The following TBC1D5 variants were observed in gnomAD, a reference collection of about 807,000 sequenced individuals.
The protein encoded by TBC1D5 is TBC1 domain family member 5.
A neutral mutation model predicts 100.3 loss-of-function variants in TBC1D5; 75 were observed. The observed-to-expected ratio is 0.75, with a 90% CI of 0.62 to 0.91. TBC1D5 has a LOEUF of 0.91. TBC1D5 is among the 40% of genes least tolerant of loss of function. The pLI is 0.00. For missense variants in TBC1D5, 910 were observed against 942.4 expected, an observed-to-expected ratio of 0.97 and a Z score of 0.45; for synonymous variants, 323 against 325.6, an observed-to-expected ratio of 0.99 and a Z score of 0.09.
intron 1 of TBC1D5, among the ~76,000 whole-genome samples, chr3:17,652,332 A>G (rs1373482899): frequency 1.3e-5 from 2 of 152,164 alleles, no homozygotes; most frequent in African/African-American, 4.8e-5. Flanking sequence ...TTATCATATG[A>G]AAATAAATTA....
At chr3:17,259,546 A>T (rs2078066841) in intron 15 of TBC1D5, among the ~76,000 whole-genome samples, 1 of 152,200 alleles carries the variant, frequency 6.6e-6, no homozygotes. Context: ...TGGGCAGATA[A>T]TTCAAGTTAA....
chr3:17,471,802 A>ATGATTTCCAAAAAT (rs1386443647), intron 3 of TBC1D5, among the ~76,000 whole-genome samples: 4 of 152,192 alleles, frequency 2.6e-5, no homozygotes, highest in Non-Finnish European at 4.4e-5. Context: ...CCTGAGGAAA[A>ATGATTTCCAAAAAT]TGATTTCCAA....
intron 2 of TBC1D5, among the ~76,000 whole-genome samples, chr3:17,619,542 G>A (rs544316652): frequency 1.3e-5 from 2 of 152,052 alleles, no homozygotes; most frequent in South Asian, 2.1e-4. Flanking sequence ...AACAATAGAC[G>A]AGAAAAAAAG....
intron 13 of TBC1D5, among the ~76,000 whole-genome samples, chr3:17,311,494 T>C (rs1462261975): frequency 1.3e-5 from 2 of 152,060 alleles, no homozygotes; most frequent in Non-Finnish European, 2.9e-5. Context: ...GTAATTAAGC[T>C]GCTATTCCCA....
At chr3:17,548,621 A>G (rs2096442272) in intron 2 of TBC1D5, among the ~76,000 whole-genome samples, 1 of 152,156 alleles carries the variant, frequency 6.6e-6, no homozygotes, top group African/African-American at 2.4e-5. Context: ...TTGAGGGGAG[A>G]AAATGTACTA....
chr3:17,720,550 T>C (rs539541547), intron 1 of TBC1D5, among the ~76,000 whole-genome samples: 2 of 152,314 alleles, frequency 1.3e-5, no homozygotes, highest in Admixed American at 1.3e-4. Flanking sequence ...CTCACACCTA[T>C]AATCCCAGTA....
chr3:17,409,407 C>T (rs1487865243), intron 4 of TBC1D5, among the ~76,000 whole-genome samples: 1 of 152,006 alleles, frequency 6.6e-6, no homozygotes, highest in Non-Finnish European at 1.5e-5. Flanking sequence ...CTCCTTGGAC[C>T]TCCCTAATTA....
rs576145052 is a variant in TBC1D5, at chr3:17,373,705, A to G, written c.822+766T>C. Among the ~76,000 whole-genome samples the G allele has an allele frequency of 7.9e-5, 12 of 152,284 alleles. No homozygotes were observed. In the East Asian group the frequency reaches 2.1e-3, roughly 27 times the overall value. ...AAAAGAAATACTGGTACATGCCACA[A>G]TATGAACACTGAAAACACTATGCTA... On this transcript the variant is annotated intron_variant, in intron 12 of 21. Coordinates refer to ENST00000253692, the Ensembl canonical transcript of TBC1D5.
At chr3:17,497,151 C>T (rs374497680) in intron 3 of TBC1D5, among the ~76,000 whole-genome samples, 5 of 150,016 alleles carry the variant, frequency 3.3e-5, no homozygotes. Context: ...CCTTGTATAT[C>T]TGCATATCTG....
At chr3:17,455,526 A>ATGTGTG (rs367962419) in intron 3 of TBC1D5, among the ~76,000 whole-genome samples, 9 of 122,910 alleles carry the variant, frequency 7.3e-5, no homozygotes, top group Non-Finnish European at 1.1e-4. Context: ...ATATATATAT[A>ATGTGTG]TATATGTGTG....
intron 13 of TBC1D5, among the ~76,000 whole-genome samples, chr3:17,342,819 T>C (rs1399264940): frequency 2.0e-5 from 3 of 152,346 alleles, no homozygotes; most frequent in African/African-American, 7.2e-5. Context: ...CTTTTTTCTA[T>C]GTCAACAAAT....
In TBC1D5 at chr3:17,371,094, CAT is replaced by C. The variant is rs1491010591; in HGVS notation, c.995+979_995+980del. On this transcript the variant is annotated intron_variant, in intron 13 of 21. Transcript: ENST00000253692. Reference sequence around the variant, plus strand: ...ACACACACACACACACACACACACACATGCACACCCACCCCTAAGGAGTGAGC... The same window carrying C: ...ACACACACACACACACACACACACACGCACACCCACCCCTAAGGAGTGAGC... 7.9e-5 allele frequency among the ~76,000 whole-genome samples: 12 copies of C among 151,822 alleles called. No homozygotes were observed. In the South Asian group the frequency reaches 1.7e-3, roughly 21 times the overall value.
chr3:17,355,937 A>G (rs990786228), intron 13 of TBC1D5, among the ~76,000 whole-genome samples: 4 of 152,208 alleles, frequency 2.6e-5, no homozygotes, highest in African/African-American at 9.6e-5. Flanking sequence ...TTCCAGAGAG[A>G]AAATTCCAGA....
intron 2 of TBC1D5, among the ~76,000 whole-genome samples, chr3:17,612,028 C>A (rs1345693631): frequency 6.6e-6 from 1 of 152,072 alleles, no homozygotes; most frequent in Non-Finnish European, 1.5e-5. Context: ...GAAGGCAGGG[C>A]ACAGTGGCTC....
chr3:17,476,014 T>C lies in TBC1D5; in HGVS notation c.97+32460A>G, dbSNP rs989504452. Among the ~76,000 whole-genome samples the C allele has an allele frequency of 2.0e-5, 3 of 152,112 alleles. 1 individual carries two copies. The highest frequency in any genetic ancestry group is 7.2e-5 in the African/African-American group (3 of 41,448). ...CATACATATATGGCTATTGCATGGTTCCTTTACTACAAAATATAGGCCTTT... is the reference window on the plus strand; with the variant it reads ...CATACATATATGGCTATTGCATGGTCCCTTTACTACAAAATATAGGCCTTT... On this transcript the variant is annotated intron_variant, in intron 3 of 21. Transcript: ENST00000253692.
intron 2 of TBC1D5, among the ~76,000 whole-genome samples, chr3:17,621,452 C>T (rs1452652603): frequency 6.6e-6 from 1 of 152,162 alleles, no homozygotes; most frequent in African/African-American, 2.4e-5. Context: ...GATAATCCTG[C>T]AACAACTTCT....
At chr3:17,514,264 CA>C (rs1438381633) in intron 2 of TBC1D5, among the ~76,000 whole-genome samples, 5 of 152,114 alleles carry the variant, frequency 3.3e-5, no homozygotes, top group Non-Finnish European at 7.4e-5. Flanking sequence ...CATTTGACAA[CA>C]GGGGGTCTGT....
chr3:17,379,449 A>G lies in TBC1D5; in HGVS notation c.613-2836T>C, dbSNP rs2092843782. On this transcript the variant is annotated intron_variant, in intron 9 of 21. Transcript: ENST00000253692. ...CAACTTTAAATGTTCTCTTCCTTCT[A>G]GTTTCTGTTACACCACTCTGTCTAG... Among the ~76,000 whole-genome samples, 5 of 152,032 alleles carry G rather than the reference A, an allele frequency of 3.3e-5. 1 individual carries two copies. The South Asian group carries it at 1.0e-3, about 32-fold the overall frequency.
exon 22 of TBC1D5, chr3:17,158,332 C>T (rs2065761284): frequency 6.6e-6 from 1 of 152,158 alleles, no homozygotes; most frequent in Non-Finnish European, 1.5e-5. Flanking sequence ...CCACTGATTA[C>T]ATTTGTTAAC....
Sources: gnomAD v4.1 joint callset for allele counts (sites outside exome capture counted in the v4.1 genomes callset) on GRCh38, gnomAD v4.1.1 for gene constraint, MANE v1.5 for transcripts, NCBI Gene and HGNC (gene_info 2026-07-23, HGNC 2026-07-21) for gene names.